Variants in SYNE2 observed in about 807,000 individuals in gnomAD.
The protein encoded by SYNE2 is nesprin-2.
Under a neutral mutation model 856.3 loss-of-function variants are expected in SYNE2, and 431 were observed. The observed-to-expected ratio is 0.50, with a 90% CI of 0.47 to 0.55. The LOEUF is 0.55. SYNE2 is among the 20% of genes least tolerant of loss of function. SYNE2 has a pLI of 0.00. For synonymous variants in SYNE2, 2,923 were observed against 2,872.3 expected, an observed-to-expected ratio of 1.02 and a Z score of -0.56; for missense variants, 8,129 against 8,023.2, an observed-to-expected ratio of 1.01 and a Z score of -0.50.
intron 64 of SYNE2, among the ~76,000 whole-genome samples, chr14:64,104,616 A>AT (rs1308859357): frequency 6.6e-5 from 10 of 151,392 alleles, no homozygotes; most frequent in East Asian, 1.9e-4. Context: ...TGCCTGGCTC[A>AT]TTTTTTTTGT....
At chr14:64,051,451 TC>T in intron 47 of SYNE2, 105 bp from the exon 48 acceptor site, 1 of 1,110,196 alleles carries the variant, frequency 9.0e-7, no homozygotes, top group Non-Finnish European at 1.3e-6. Context: ...CCTAATTTTT[TC>T]TGTGAATTTA....
At position 64,225,697 on chromosome 14, in the gene SYNE2, T is replaced by G; in HGVS notation, c.*171T>G. ...CCTGGAGCCCAGGGCAGCTTTCAGA[T>G]TGTGTTCCTCCCCAGGAGCAGGGAA... On this transcript the variant is annotated 3_prime_UTR_variant, in exon 116 of 116. Transcript: ENST00000555002. The G allele has an allele frequency of 1.3e-6, 1 of 741,990 alleles. No individual in the cohort carries two copies. The highest frequency in any genetic ancestry group is 2.2e-5 in the Admixed American group (1 of 46,216). 46.0% of individuals were successfully genotyped at this position (741,990 alleles called of 1,614,324 possible).
intron 84 of SYNE2, among the ~76,000 whole-genome samples, chr14:64,148,757 C>T (rs1263200002): frequency 6.6e-6 from 1 of 152,084 alleles, no homozygotes; most frequent in East Asian, 1.9e-4. Flanking sequence ...AAACAGGCTT[C>T]CCTAGCACCC....
At chr14:63,884,960 A>G (rs545353891) in intron 1 of SYNE2, among the ~76,000 whole-genome samples, 2 of 152,242 alleles carry the variant, frequency 1.3e-5, no homozygotes, top group South Asian at 2.1e-4. Flanking sequence ...TATTTTAAGC[A>G]GAGAAGTAGC....
intron 1 of SYNE2, among the ~76,000 whole-genome samples, chr14:63,838,302 A>C (rs900895425): frequency 2.6e-5 from 4 of 152,098 alleles, no homozygotes; most frequent in Non-Finnish European, 5.9e-5. Flanking sequence ...ATGCCATTGC[A>C]CTCTGGCCTG....
At chr14:63,777,985 G>A (rs1168150812) in intron 1 of SYNE2, among the ~76,000 whole-genome samples, 1 of 152,106 alleles carries the variant, frequency 6.6e-6, no homozygotes, top group Non-Finnish European at 1.5e-5. Context: ...GATCTTGAAT[G>A]TTCTAACTAC....
chr14:64,072,254 C>T (rs542953011), intron 52 of SYNE2, among the ~76,000 whole-genome samples: 1 of 152,156 alleles, frequency 6.6e-6, no homozygotes, highest in Admixed American at 6.5e-5. Flanking sequence ...TAGAGGTGCT[C>T]TGAAGAAAAA....
chr14:63,868,981 C>T (rs1896168644), intron 1 of SYNE2, among the ~76,000 whole-genome samples: 1 of 152,198 alleles, frequency 6.6e-6, no homozygotes, highest in African/African-American at 2.4e-5. Flanking sequence ...GTTTCCATTT[C>T]ATCAGAAGCA....
At chr14:63,948,720 G>A (rs1344663807) in intron 6 of SYNE2, among the ~76,000 whole-genome samples, 1 of 70,142 alleles carries the variant, frequency 1.4e-5, no homozygotes, top group African/African-American at 4.3e-5. Flanking sequence ...ATATATATGT[G>A]TGTATATATA....
In SYNE2 at chr14:63,944,517, CTTTTTTTTT is replaced by C. The variant is rs1188374243; in HGVS notation, c.408+2390_408+2398del. Among the ~76,000 whole-genome samples the C allele has an allele frequency of 5.9e-3, 530 of 90,120 alleles. 2 individuals carry two copies. The highest frequency in any genetic ancestry group is 0.023 in the African/African-American group (506 of 21,894). The allele number at this position is 90,120 out of a possible 152,430, so 59.1% of individuals were successfully genotyped here. A position where few individuals can be genotyped will look rare whatever the true frequency, so the allele number is the denominator to read the frequency against. ...TAGGGTTTGCAAACTTAAAGCCTTT[CTTTTTTTTT>C]TTTTTTTTTTTTTTTGAGACAGAGT... On this transcript the variant is annotated intron_variant, in intron 6 of 115. Coordinates refer to ENST00000555002, the MANE Select transcript of SYNE2 (RefSeq NM_182914.3).
chr14:63,809,717 TCTTGAA>T (rs1381366903), intron 1 of SYNE2, among the ~76,000 whole-genome samples: 1 of 152,112 alleles, frequency 6.6e-6, no homozygotes, highest in Non-Finnish European at 1.5e-5. Context: ...TCCAGGCTGG[TCTTGAA>T]CTCCAGGCCT....
At chr14:64,080,663 T>C (rs2097513497) in intron 56 of SYNE2, 25 bp downstream of exon 56, 1 of 1,611,282 alleles carries the variant, frequency 6.2e-7, no homozygotes. Flanking sequence ...CGTAATAGCT[T>C]CATATCATGT....
rs2097734202 is a variant in SYNE2 at position 64,102,045 on chromosome 14, A to G, written c.12492+3A>G. ...CATCCTCTGGAACAATTGTTCAGGT[A>G]ATGCTGGGCGTATCAGCCACGCTTA... On this transcript the variant is annotated splice_donor_region_variant and intron_variant, in intron 64 of 115. Transcript: ENST00000555002. 3.7e-6 allele frequency: 6 copies of G among 1,606,450 alleles called. No individual in the cohort carries two copies. The East Asian group carries it at 1.3e-4, about 36-fold the overall frequency.
At chr14:64,175,250 C>T in intron 95 of SYNE2, 112 bp downstream of exon 95, 1 of 1,220,256 alleles carries the variant, frequency 8.2e-7, no homozygotes, top group Non-Finnish European at 1.2e-6. Context: ...CATGAGTTTC[C>T]AACTCAAGCT....
At chr14:64,012,474 G>A (rs762578858) in intron 32 of SYNE2, among the ~76,000 whole-genome samples, 5 of 152,138 alleles carry the variant, frequency 3.3e-5, no homozygotes, top group South Asian at 4.1e-4. Flanking sequence ...CAATCACTGC[G>A]TAAAACTGCC....
At chr14:64,173,947 C>G (rs7148122) in intron 94 of SYNE2, 145,825 of 694,812 alleles carry the variant, frequency 0.21, 16,292 homozygotes, top group East Asian at 0.26. Flanking sequence ...AAAACAGGAC[C>G]TTCGCTACTC....
At chr14:63,856,148 CAAGTT>C (rs1566621796) in intron 1 of SYNE2, among the ~76,000 whole-genome samples, 2 of 152,216 alleles carry the variant, frequency 1.3e-5, no homozygotes, top group African/African-American at 2.4e-5. Context: ...TGAGCACTGT[CAAGTT>C]AAGGGAGGGT....
intron 1 of SYNE2, among the ~76,000 whole-genome samples, chr14:63,800,231 GT>G (rs1018127285): frequency 6.7e-6 from 1 of 148,414 alleles, no homozygotes; most frequent in Non-Finnish European, 1.5e-5. Flanking sequence ...AGGTTTTTTG[GT>G]TTTTTTTTTG....
At chr14:64,110,409 G>A (rs1276175897) in intron 65 of SYNE2, among the ~76,000 whole-genome samples, 6 of 152,150 alleles carry the variant, frequency 3.9e-5, no homozygotes, top group African/African-American at 4.8e-5. Flanking sequence ...ATGTGGACTT[G>A]TAGATTCCAA....
Sources: allele counts gnomAD v4.1 joint callset (sites outside exome capture counted in the v4.1 genomes callset), GRCh38; gene constraint gnomAD v4.1.1; transcripts MANE v1.5; gene names NCBI Gene and HGNC (gene_info 2026-07-23, HGNC 2026-07-21).